The following PRR33 variants were observed in gnomAD, a reference collection of about 807,000 sequenced individuals.
The protein encoded by PRR33 is proline-rich protein 33.
A neutral mutation model predicts 0.5 loss-of-function variants in PRR33; 1 was observed. The observed-to-expected ratio is 2.18, with a 90% CI of 0.77 to 10.34. The LOEUF (loss-of-function observed/expected upper bound fraction) is 10.34, where lower values mean the gene tolerates loss of function less well. Ranked by LOEUF, PRR33 falls within the 30% of genes most tolerant of loss-of-function variation. PRR33 has a pLI of 0.13. For missense variants in PRR33, 552 were observed against 251.8 expected (o/e 2.19, Z -8.07); for synonymous variants, 226 against 110.0 (o/e 2.06, Z -6.60).
chr11:1,901,941 C>A, the PRR33 span, among the ~76,000 whole-genome samples: 7 of 152,162 alleles, frequency 4.6e-5, no homozygotes, highest in African/African-American at 1.7e-4. Flanking sequence ...ATTGCAAAAA[C>A]CACAATTATG....
chr11:1,913,209 A>G, the PRR33 span, among the ~76,000 whole-genome samples: 3 of 150,878 alleles, frequency 2.0e-5, no homozygotes, highest in Non-Finnish European at 4.4e-5. Flanking sequence ...CGGCTCACAA[A>G]CCTGCCTCCC....
chr11:1,895,869 A>G (rs1189932854), upstream of PRR33, among the ~76,000 whole-genome samples: 1 of 152,184 alleles, frequency 6.6e-6, no homozygotes, highest in African/African-American at 2.4e-5. Flanking sequence ...TGAACTGTGC[A>G]TGGTGGTGGG....
At chr11:1,913,950 G>C in the PRR33 span, among the ~76,000 whole-genome samples, 1 of 152,268 alleles carries the variant, frequency 6.6e-6, no homozygotes, top group African/African-American at 2.4e-5. Context: ...CTGTCCATGG[G>C]TGGTGACCAC....
chr11:1,916,181 C>T, the PRR33 span, among the ~76,000 whole-genome samples: 1 of 152,078 alleles, frequency 6.6e-6, no homozygotes, highest in Non-Finnish European at 1.5e-5. Flanking sequence ...TCCCTCCTCT[C>T]CCAGGTCTTG....
exon 1 of PRR33, chr11:1,890,081 G>T: frequency 1.4e-6 from 1 of 715,808 alleles, no homozygotes; most frequent in Non-Finnish European, 2.6e-6. Flanking sequence ...CAGAGACAGG[G>T]ACGAAGCCAC....
upstream of PRR33, among the ~76,000 whole-genome samples, chr11:1,893,056 T>A (rs369691278): frequency 2.8e-5 from 4 of 144,578 alleles, no homozygotes; most frequent in African/African-American, 1.0e-4. Flanking sequence ...AATGGATGGG[T>A]AGGTGGGTGA....
At chr11:1,897,568 C>T in the PRR33 span, among the ~76,000 whole-genome samples, 4 of 152,160 alleles carry the variant, frequency 2.6e-5, no homozygotes, top group African/African-American at 9.7e-5. The surrounding 1 kb of genome is among the most constrained non-coding windows in gnomAD (Gnocchi z 4.0). Context: ...GGGCCTCTTG[C>T]GGGAGCTCAG....
chr11:1,915,359 G>A, the PRR33 span, among the ~76,000 whole-genome samples: 75 of 151,042 alleles, frequency 5.0e-4, no homozygotes, highest in Non-Finnish European at 9.7e-4. Flanking sequence ...TCTGTGTGTT[G>A]TGGGGTCACA....
chr11:1,898,103 G>A, the PRR33 span, among the ~76,000 whole-genome samples: 2 of 152,300 alleles, frequency 1.3e-5, no homozygotes, highest in African/African-American at 2.4e-5. Flanking sequence ...CGGCACAGAC[G>A]CTCCTCTGTT....
chr11:1,913,095 G>T, the PRR33 span, among the ~76,000 whole-genome samples: 3 of 151,296 alleles, frequency 2.0e-5, no homozygotes, highest in African/African-American at 7.3e-5. Flanking sequence ...TTTGTTCTGG[G>T]GTAATCCATA....
At position 1,890,305 on chromosome 11, in the gene PRR33, G is replaced by T. The variant is rs748660413; in HGVS notation, c.280C>A (p.Arg94Ser). Residue 94 changes from arginine to serine, a missense_variant, in exon 1 of 1, where the codon CGC becomes AGC. Arg to Ser is a moderately radical substitution (Grantham distance 110). Coordinates refer to ENST00000640310, the Ensembl canonical transcript of PRR33. ...GCGGGGCGTGGGGCTTCAGGAAGGC[G>T]TGGGGCTTCGGCGGGGTGCGGGCCC... The T allele has an allele frequency of 7.0e-6, 5 of 711,638 alleles. No homozygotes were observed. The South Asian group carries it at 7.4e-5, about 11-fold the overall frequency. The allele number at this position is 711,638 out of a possible 1,614,324, so 44.1% of individuals were successfully genotyped here.
the PRR33 span, among the ~76,000 whole-genome samples, chr11:1,904,116 C>T: frequency 5.3e-5 from 8 of 152,240 alleles, no homozygotes; most frequent in Non-Finnish European, 1.2e-4. Flanking sequence ...CCACGATCCC[C>T]AGCTGCTCTG....
rs997913184 is a variant in PRR33 at position 1,890,928 on chromosome 11, G to A, written c.-344C>T. Reference sequence around the variant, plus strand: ...ACAGCCTGGGTCAGGCCGCAACACCGTGTGGGCTGGGGTGGGAGACGGAGA... The same window carrying A: ...ACAGCCTGGGTCAGGCCGCAACACCATGTGGGCTGGGGTGGGAGACGGAGA... On this transcript the variant is annotated 5_prime_UTR_variant, in exon 1 of 1. In the 5' UTR this introduces an upstream ATG that the reference lacks. Coordinates refer to ENST00000640310, the Ensembl canonical transcript of PRR33. The A allele has an allele frequency of 2.3e-5, 6 of 255,426 alleles. No homozygotes were observed. The highest frequency in any genetic ancestry group is 9.1e-5 in the South Asian group (1 of 10,940). 15.8% of individuals were successfully genotyped at this position (255,426 alleles called of 1,614,324 possible).
At chr11:1,896,245 GT>G (rs1655817762), upstream of PRR33, among the ~76,000 whole-genome samples, 1 of 152,198 alleles carries the variant, frequency 6.6e-6, no homozygotes, top group African/African-American at 2.4e-5. Context: ...TGCAGGGAGA[GT>G]TGACATCTTA....
the PRR33 span, among the ~76,000 whole-genome samples, chr11:1,909,557 G>A: frequency 6.6e-6 from 1 of 152,192 alleles, no homozygotes; most frequent in Non-Finnish European, 1.5e-5. Flanking sequence ...GTTGCAGTGA[G>A]CCAAGATCAT....
chr11:1,914,425 CTGTG>C, the PRR33 span, among the ~76,000 whole-genome samples: 4 of 145,524 alleles, frequency 2.7e-5, no homozygotes, highest in East Asian at 4.2e-4. Flanking sequence ...TGATGTTTCT[CTGTG>C]TGTGTGTCTG....
chr11:1,895,306 T>C (rs1245688676), upstream of PRR33, among the ~76,000 whole-genome samples: 1 of 152,148 alleles, frequency 6.6e-6, no homozygotes, highest in Admixed American at 6.6e-5. Context: ...CTAATTTTTG[T>C]ATTTTTAGTA....
At chr11:1,902,798 C>T in the PRR33 span, 2 of 152,108 alleles carry the variant, frequency 1.3e-5, no homozygotes, top group Non-Finnish European at 2.9e-5. Flanking sequence ...CTCCATAGAC[C>T]GAGCAGCCCC....
the PRR33 span, among the ~76,000 whole-genome samples, chr11:1,905,413 C>T: frequency 6.7e-6 from 1 of 149,190 alleles, no homozygotes; most frequent in Non-Finnish European, 1.5e-5. Context: ...AGGCGTGAGC[C>T]ACCGCGCCCG....
Sources: gnomAD v4.1 joint callset for allele counts (sites outside exome capture counted in the v4.1 genomes callset) on GRCh38, gnomAD v4.1.1 for gene constraint, Gnocchi (gnomAD v3.1) non-coding constraint, MANE v1.5 for transcripts, NCBI Gene and HGNC (gene_info 2026-07-23, HGNC 2026-07-21) for gene names.